ANAPC7: variants seen among roughly 807,000 people sequenced by gnomAD.
ANAPC7 encodes the protein anaphase promoting complex subunit 7, also known as anaphase-promoting complex subunit 7.
A neutral mutation model predicts 63.3 loss-of-function variants in ANAPC7; 25 were observed. That is an observed-to-expected ratio of 0.39 (90% CI 0.29 to 0.55). The LOEUF (loss-of-function observed/expected upper bound fraction) is 0.55, where lower values mean the gene tolerates loss of function less well. Among genes scored for constraint, ANAPC7 ranks in the 20% least tolerant of loss-of-function variants. The pLI is 0.57. For missense variants in ANAPC7, 516 were observed against 691.7 expected, an observed-to-expected ratio of 0.75 and a Z score of 2.85; for synonymous variants, 241 against 251.7, an observed-to-expected ratio of 0.96 and a Z score of 0.40.
rs1883574417 is a variant in ANAPC7 at position 110,396,319 on chromosome 12, T to G, written c.235A>C (p.Thr79Pro). 1.9e-6 allele frequency: 3 copies of G among 1,613,800 alleles called. No homozygotes were observed. Among genetic ancestry groups the G allele is most frequent in the Admixed American group, 1.7e-5 (1 of 59,922 alleles). ...ALQQKKALSK[T>P]SKVRPSTGNS... The stretch of plus-strand genomic sequence containing the variant: ...CCAGTTGAAGGTCTCACTTTTGAAG[T>G]TTTACTTAGCGCTTTCTTCTGCTGT... Residue 79 changes from threonine (T) to proline (P), a missense_variant, in exon 2 of 11, where the codon ACT becomes CCT. Physicochemically the swap from Thr to Pro is conservative, Grantham distance 38. Coordinates refer to ENST00000455511, the MANE Select transcript of ANAPC7 (RefSeq NM_016238.3).
rs1398408436 is a variant in ANAPC7, at chr12:110,373,484, T to C, written c.*660A>G. ...TCTGATCACCCCAACACCATGACTGTACAAACCAGTTTTATTAGGGAACTG... is the reference window on the plus strand; with the variant it reads ...TCTGATCACCCCAACACCATGACTGCACAAACCAGTTTTATTAGGGAACTG... On this transcript the variant is annotated 3_prime_UTR_variant, in exon 11 of 11. Coordinates refer to ENST00000455511, the MANE Select transcript of ANAPC7 (RefSeq NM_016238.3). 1 of 152,262 alleles carries C rather than the reference T, an allele frequency of 6.6e-6. No homozygotes were observed. Among genetic ancestry groups the C allele is most frequent in the African/African-American group, 2.4e-5 (1 of 41,470 alleles). The allele number at this position is 152,262 out of a possible 1,614,324, so 9.4% of individuals were successfully genotyped here.
At chr12:110,375,323 A>G in intron 10 of ANAPC7, 1 of 734,520 alleles carries the variant, frequency 1.4e-6, no homozygotes, top group South Asian at 6.2e-5. Flanking sequence ...CTCCCGAAAC[A>G]TAGCATCTCC....
intron 3 of ANAPC7, among the ~76,000 whole-genome samples, chr12:110,392,677 T>C (rs780865314): frequency 3.3e-5 from 5 of 152,346 alleles, no homozygotes; most frequent in Non-Finnish European, 5.9e-5. Context: ...AATACTATTC[T>C]TCTCATTTTA....
chr12:110,397,699 A>C (rs2062164189), intron 1 of ANAPC7, among the ~76,000 whole-genome samples: 1 of 152,130 alleles, frequency 6.6e-6, no homozygotes, highest in African/African-American at 2.4e-5. Flanking sequence ...GGAGTTTAAG[A>C]CTAGCCTAAC....
chr12:110,387,834 G>T lies in ANAPC7; in HGVS notation c.579C>A (p.Ile193=). 1 of 1,614,154 alleles carries T rather than the reference G, an allele frequency of 6.2e-7. No homozygotes were observed. Among genetic ancestry groups the T allele is most frequent in the Non-Finnish European group, 8.5e-7 (1 of 1,180,026 alleles). Reference sequence around the variant, plus strand: ...GCCAGTCCAAGTTAGGCACGGTTTGGATCACATTCATTGTCATGGATGCCA... The same window carrying T: ...GCCAGTCCAAGTTAGGCACGGTTTGTATCACATTCATTGTCATGGATGCCA... ...AEVASMTMNV[I]QTVPNLDWLS... is the part of the protein sequence containing the mutation. The change falls in exon 5 of 11, where the codon ATC becomes ATA. Residue 193 remains isoleucine (I), a synonymous_variant. Coordinates refer to ENST00000455511, the MANE Select transcript of ANAPC7 (RefSeq NM_016238.3).
chr12:110,389,093 A>C (rs916053933), intron 3 of ANAPC7, among the ~76,000 whole-genome samples: 2 of 149,428 alleles, frequency 1.3e-5, no homozygotes, highest in Non-Finnish European at 3.0e-5. Flanking sequence ...AAAAAAAAAA[A>C]AAAAAAAAAG....
intron 5 of ANAPC7, chr12:110,387,237 G>A (rs1592910476): frequency 9.0e-6 from 1 of 110,728 alleles, no homozygotes; most frequent in African/African-American, 3.3e-5. Context: ...GAGAGAGAGA[G>A]ACAGAGAGAC....
At chr12:110,386,729 G>T in intron 5 of ANAPC7, 1 of 328,806 alleles carries the variant, frequency 3.0e-6, no homozygotes, top group South Asian at 5.7e-5. Context: ...TACGCTACAT[G>T]GTGTTAAAGG....
rs531777200 is a variant in ANAPC7 at position 110,395,139 on chromosome 12, T to C, written c.370A>G (p.Ile124Val). ...MLKQDKDAIA[I>V]LDGIPSRQRT... ...TGTCTTGAAGGGATCCCATCAAGTATAGCAATGGCATCTTTATCTTGTTTT... is the reference window on the plus strand; with the variant it reads ...TGTCTTGAAGGGATCCCATCAAGTACAGCAATGGCATCTTTATCTTGTTTT... Residue 124 changes from isoleucine (I) to valine (V), a missense_variant, in exon 3 of 11, where the codon ATA becomes GTA. By Grantham distance (29) the Ile-to-Val change is conservative. Transcript: ENST00000455511. The C allele has an allele frequency of 5.6e-6, 9 of 1,613,886 alleles. No individual in the cohort carries two copies. The highest frequency in any genetic ancestry group is 1.3e-5 in the African/African-American group (1 of 75,050).
At chr12:110,400,408 GTCTAT>G (rs1200972353) in intron 1 of ANAPC7, among the ~76,000 whole-genome samples, 1 of 152,160 alleles carries the variant, frequency 6.6e-6, no homozygotes, top group Non-Finnish European at 1.5e-5. Flanking sequence ...ATTTAACAGT[GTCTAT>G]TCCTATTCCA....
At position 110,376,076 on chromosome 12, in the gene ANAPC7, T is replaced by C. The variant is rs1268743611; in HGVS notation, c.1498A>G (p.Ile500Val). ...EYQEAMDQYS[I>V]ALSLDPNDQK... is the part of the protein sequence containing the mutation. ...GAGGCTAGTGCCTACCTTAGTGCTATACTATACTGGTCCATTGCCTCCTGA... is the reference window on the plus strand; with the variant it reads ...GAGGCTAGTGCCTACCTTAGTGCTACACTATACTGGTCCATTGCCTCCTGA... The change falls in exon 10 of 11, where the codon ATA (isoleucine) becomes GTA (valine). Residue 500 changes from isoleucine (I) to valine (V), a missense_variant. Ile to Val is a conservative substitution (Grantham distance 29). This residue lies in a region of ANAPC7 where 122 missense variants were observed against 212.0 expected (regional missense o/e 0.58). Transcript: ENST00000455511. 1.2e-6 allele frequency: 2 copies of C among 1,613,974 alleles called. No homozygotes were observed. The highest frequency in any genetic ancestry group is 1.7e-6 in the Non-Finnish European group (2 of 1,179,998).
intron 7 of ANAPC7, among the ~76,000 whole-genome samples, 170 bp downstream of exon 7, chr12:110,382,673 A>G (rs1197372092): frequency 2.0e-5 from 3 of 151,428 alleles, no homozygotes; most frequent in African/African-American, 7.3e-5. Context: ...GGGTTCAAGC[A>G]ATCCACCTGT....
At chr12:110,388,198 G>A (rs928732757) in intron 4 of ANAPC7, among the ~76,000 whole-genome samples, 3 of 151,990 alleles carry the variant, frequency 2.0e-5, no homozygotes, top group African/African-American at 7.3e-5. Context: ...CACCATGCCT[G>A]GCTAATTTTT....
At chr12:110,393,482 A>G (rs2137973888) in intron 3 of ANAPC7, among the ~76,000 whole-genome samples, 1 of 151,986 alleles carries the variant, frequency 6.6e-6, no homozygotes, top group East Asian at 1.9e-4. Flanking sequence ...AATCCCAGCA[A>G]TTTGGGAGGC....
intron 1 of ANAPC7, among the ~76,000 whole-genome samples, chr12:110,402,525 G>C (rs1156487657): frequency 6.6e-6 from 1 of 151,226 alleles, no homozygotes; most frequent in Non-Finnish European, 1.5e-5. Context: ...AAGCAGAGAC[G>C]GGGTTACACT....
intron 2 of ANAPC7, 117 bp from the exon 3 acceptor site, chr12:110,395,337 C>CCCTGTCTCAAAA: frequency 1.0e-6 from 1 of 971,652 alleles, no homozygotes; most frequent in Non-Finnish European, 1.5e-6. Flanking sequence ...TTTTTTGAGA[C>CCCTGTCTCAAAA]AGGGTCTCGC....
chr12:110,388,569 C>T lies in ANAPC7; in HGVS notation c.463G>A (p.Val155Ile), dbSNP rs765592741. The T allele has an allele frequency of 1.2e-6, 2 of 1,614,166 alleles. No homozygotes were observed. Among genetic ancestry groups the T allele is most frequent in the Admixed American group, 1.7e-5 (1 of 60,000 alleles). The change falls in exon 4 of 11, where the codon GTC becomes ATC. Residue 155 changes from valine to isoleucine, a missense_variant. Physicochemically the swap from Val to Ile is conservative, Grantham distance 29. This residue lies in a region of ANAPC7 where 185 missense variants were observed against 200.3 expected (regional missense o/e 0.92). Transcript: ENST00000455511. ...YKKAGQERPS[V>I]TSYKEVLRQC... ...CTCAGCACCTCCTTATAGCTGGTGA[C>T]TGAAGGGCGCTCCTGACCAGCCTTC... is the stretch of plus-strand genomic sequence containing the variant.
intron 1 of ANAPC7, among the ~76,000 whole-genome samples, chr12:110,403,201 G>A (rs546515447): frequency 1.3e-5 from 2 of 152,344 alleles, no homozygotes; most frequent in African/African-American, 4.8e-5. Context: ...AGCCGAGAGG[G>A]AAGGATTCAG....
In ANAPC7 at chr12:110,381,866, G is replaced by A; in HGVS notation, c.1018C>T (p.Gln340Ter). The change falls in exon 8 of 11, where the codon CAA (glutamine) becomes TAA (stop). Residue 340 changes from glutamine to a stop codon, truncating the protein, a stop_gained. Coordinates refer to ENST00000455511, the MANE Select transcript of ANAPC7 (RefSeq NM_016238.3). LOFTEE classifies it high-confidence loss of function. ...KAIQLNSNSV[Q>*]ALLLKGAALR... ...GCTGCTCCCTTAAGTAGCAGAGCTT[G>A]AACACTATTACTGTTCAGCTGAATG... The A allele has an allele frequency of 6.5e-7, 1 of 1,542,300 alleles. No individual in the cohort carries two copies.
Sources: allele counts gnomAD v4.1 joint callset (sites outside exome capture counted in the v4.1 genomes callset), GRCh38; gene constraint gnomAD v4.1.1; regional missense constraint gnomAD v4.1.1; transcripts MANE v1.5; gene names NCBI Gene and HGNC (gene_info 2026-07-23, HGNC 2026-07-21).